ARL6IP6: variants seen among roughly 807,000 people sequenced by gnomAD.
The protein encoded by ARL6IP6 is ADP-ribosylation factor-like protein 6-interacting protein 6.
A neutral mutation model predicts 21.5 loss-of-function variants in ARL6IP6; 22 were observed. The ratio of observed to expected loss-of-function variants is 1.02; its 90% confidence interval spans 0.73 to 1.46. ARL6IP6 has a LOEUF of 1.46. Ranked by LOEUF, ARL6IP6 falls within the 40% of genes most tolerant of loss-of-function variation. The pLI, the probability that ARL6IP6 is intolerant of heterozygous loss-of-function variation, is 0.00. For synonymous variants in ARL6IP6, 164 were observed against 125.3 expected (o/e 1.31, Z -2.06); for missense variants, 388 against 299.8 (o/e 1.29, Z -2.17).
Position 152,718,797 on chromosome 2 carries a change from A to T in ARL6IP6, c.173A>T (p.Glu58Val). 1 of 1,606,252 alleles carries T rather than the reference A, an allele frequency of 6.2e-7. No individual in the cohort carries two copies. The highest frequency in any genetic ancestry group is 1.1e-5 in the South Asian group (1 of 90,002). ...CDQVARDLRA[E>V]FSAGAWSEPR... ...CAAGTGGCCCGCGACCTGCGGGCGGAGTTCTCGGCTGGGGCGTGGTCAGAG... is the reference window on the plus strand; with the variant it reads ...CAAGTGGCCCGCGACCTGCGGGCGGTGTTCTCGGCTGGGGCGTGGTCAGAG... The change falls in exon 1 of 4, where the codon GAG becomes GTG. Residue 58 changes from glutamate to valine, a missense_variant. Transcript: ENST00000326446.
intron 2 of ARL6IP6, among the ~76,000 whole-genome samples, chr2:152,732,071 GTTA>G (rs1308625585): frequency 2.0e-5 from 3 of 151,670 alleles, no homozygotes; most frequent in African/African-American, 7.3e-5. Flanking sequence ...TTCAATCTAT[GTTA>G]TTATGAACAA....
At chr2:152,746,034 T>TA (rs35885163) in intron 3 of ARL6IP6, among the ~76,000 whole-genome samples, 68 of 83,348 alleles carry the variant, frequency 8.2e-4, no homozygotes, top group South Asian at 1.5e-3. Flanking sequence ...TTTTTTTTTT[T>TA]AAAGACAGGT....
chr2:152,761,976 A>T lies in ARL6IP6; in HGVS notation c.*2136A>T, dbSNP rs1047004293. 1.1e-4 allele frequency among the ~76,000 whole-genome samples: 16 copies of T among 152,268 alleles called. No individual in the cohort carries two copies. The highest frequency in any genetic ancestry group is 2.1e-4 in the South Asian group (1 of 4,828). ...CCGTAAGATATTTTTGTGGAATCCT[A>T]ATTCTTCTGGACTGTTACTCCCCTT... On this transcript the variant is annotated 3_prime_UTR_variant, in exon 4 of 4. Transcript: ENST00000326446.
At chr2:152,754,279 T>G (rs1252659553) in intron 3 of ARL6IP6, among the ~76,000 whole-genome samples, 1 of 152,118 alleles carries the variant, frequency 6.6e-6, no homozygotes, top group African/African-American at 2.4e-5. Flanking sequence ...TGGATTTGCC[T>G]ATTCTGGACA....
chr2:152,735,176 A>G, intron 3 of ARL6IP6, 50 bp downstream of exon 3: 1 of 1,582,502 alleles, frequency 6.3e-7, no homozygotes, highest in Non-Finnish European at 8.7e-7. Flanking sequence ...TCAACTCTTG[A>G]AAATACTAAA....
At chr2:152,746,821 C>CTTTTTTTTTTTTTTTTTTTTTTTTT (rs61506535) in intron 3 of ARL6IP6, among the ~76,000 whole-genome samples, 2 of 33,080 alleles carry the variant, frequency 6.0e-5, no homozygotes, top group African/African-American at 1.4e-4. Context: ...TTTATCCTTT[C>CTTTTTTTTTTTTTTTTTTTTTTTTT]TTTTTTTTTT....
intron 2 of ARL6IP6, 64 bp from the exon 3 acceptor site, chr2:152,734,930 C>G (rs1700483935): frequency 4.0e-6 from 6 of 1,484,200 alleles, no homozygotes; most frequent in Non-Finnish European, 4.7e-6. Context: ...CATGAGAGTA[C>G]TGGTTTAATT....
chr2:152,738,815 C>G (rs879371020), intron 3 of ARL6IP6, among the ~76,000 whole-genome samples: 3 of 152,070 alleles, frequency 2.0e-5, no homozygotes, highest in Non-Finnish European at 4.4e-5. Flanking sequence ...TTTGGCTCCT[C>G]ATTATTTCTG....
rs1265375662 is a variant in ARL6IP6 at position 152,762,149 on chromosome 2, A to C, written c.*2309A>C. Reference sequence around the variant, plus strand: ...TGCCTGGCTACAATGAGTAGAATAGAGAAATGACTTCAGTGAAGTATGTCT... The same window carrying C: ...TGCCTGGCTACAATGAGTAGAATAGCGAAATGACTTCAGTGAAGTATGTCT... On this transcript the variant is annotated 3_prime_UTR_variant, in exon 4 of 4. Transcript: ENST00000326446. Among the ~76,000 whole-genome samples, 1 of 152,192 alleles carries C rather than the reference A, an allele frequency of 6.6e-6. No individual in the cohort carries two copies. Among genetic ancestry groups the C allele is most frequent in the Non-Finnish European group, 1.5e-5 (1 of 68,022 alleles).
At chr2:152,723,976 T>C (rs1699912669) in intron 2 of ARL6IP6, among the ~76,000 whole-genome samples, 1 of 152,138 alleles carries the variant, frequency 6.6e-6, no homozygotes, top group Non-Finnish European at 1.5e-5. Context: ...AAGAAAGTGT[T>C]ACAGTGCTAT....
chr2:152,725,905 AATT>A (rs1374711061), intron 2 of ARL6IP6, among the ~76,000 whole-genome samples: 1 of 152,266 alleles, frequency 6.6e-6, no homozygotes, highest in African/African-American at 2.4e-5. Flanking sequence ...TTGCTCTCTA[AATT>A]ATTCTTCAAG....
chr2:152,758,026 C>T (rs1701666453), intron 3 of ARL6IP6, among the ~76,000 whole-genome samples: 1 of 152,136 alleles, frequency 6.6e-6, no homozygotes, highest in African/African-American at 2.4e-5. Context: ...TGATGATTAA[C>T]TTTATTGGGT....
intron 3 of ARL6IP6, among the ~76,000 whole-genome samples, chr2:152,749,333 A>G (rs949124388): frequency 7.3e-5 from 11 of 151,372 alleles, no homozygotes; most frequent in African/African-American, 1.7e-4. Flanking sequence ...ACACACACAC[A>G]CACGCACGCA....
At chr2:152,726,290 T>C (rs1192353770) in intron 2 of ARL6IP6, among the ~76,000 whole-genome samples, 2 of 152,238 alleles carry the variant, frequency 1.3e-5, no homozygotes, top group African/African-American at 2.4e-5. Context: ...GTAGAAATGC[T>C]ACAGTCTGGG....
Position 152,720,428 on chromosome 2 carries a change from G to A in ARL6IP6, c.401-105G>A, listed in dbSNP as rs773827470. 5.5e-6 allele frequency: 6 copies of A among 1,086,978 alleles called. No individual in the cohort carries two copies. In the South Asian group the frequency reaches 7.9e-5, roughly 14 times the overall value. 67.3% of individuals were successfully genotyped at this position (1,086,978 alleles called of 1,614,324 possible). A position where few individuals can be genotyped will look rare whatever the true frequency, so the allele number is the denominator to read the frequency against. ...TCAGAATTTGAACCCAGTTCTTTGT[G>A]ACTCCAGAGCACTTTCCACAGCTCC... On this transcript the variant is annotated intron_variant, in intron 1 of 3. Transcript: ENST00000326446.
At chr2:152,717,762 G>T (rs1034534497), upstream of ARL6IP6, 33 of 1,255,082 alleles carry the variant, frequency 2.6e-5, no homozygotes, top group African/African-American at 4.3e-4. Flanking sequence ...GCCTCACCCC[G>T]TAGGGGGTGG....
intron 3 of ARL6IP6, among the ~76,000 whole-genome samples, chr2:152,753,952 C>T (rs1236655704): frequency 2.0e-5 from 3 of 151,428 alleles, no homozygotes; most frequent in Non-Finnish European, 2.9e-5. Flanking sequence ...CCACCCGCCT[C>T]GGCCTCCCAA....
At chr2:152,733,821 T>G (rs1169327557) in intron 2 of ARL6IP6, among the ~76,000 whole-genome samples, 1 of 152,222 alleles carries the variant, frequency 6.6e-6, no homozygotes, top group African/African-American at 2.4e-5. Flanking sequence ...ACATGTTTTA[T>G]TATCTTCCTA....
At chr2:152,752,824 C>T (rs1701400090) in intron 3 of ARL6IP6, among the ~76,000 whole-genome samples, 2 of 152,302 alleles carry the variant, frequency 1.3e-5, no homozygotes, top group South Asian at 2.1e-4. Context: ...TGGGGCTTTT[C>T]CTTTCAGTTT....
Sources: allele counts gnomAD v4.1 joint callset (sites outside exome capture counted in the v4.1 genomes callset), GRCh38; gene constraint gnomAD v4.1.1; transcripts MANE v1.5; gene names NCBI Gene and HGNC (gene_info 2026-07-23, HGNC 2026-07-21).